Variants in TAOK3 observed in about 807,000 individuals in gnomAD.
TAOK3 encodes TAO kinase 3, also known as serine/threonine-protein kinase TAO3.
In TAOK3, 40 loss-of-function variants were observed where a neutral mutation model predicts 120.4. The observed-to-expected ratio is 0.33, with a 90% confidence interval of 0.26 to 0.43. The LOEUF (loss-of-function observed/expected upper bound fraction) is 0.43, where lower values mean the gene tolerates loss of function less well. TAOK3 is among the 20% of genes least tolerant of loss of function. The probability of loss-of-function intolerance (pLI) is 1.00; values close to 1 mark genes in which losing one functional copy is unlikely to be tolerated. For synonymous variants in TAOK3, 355 were observed against 387.5 expected (o/e 0.92, Z 0.99); for missense variants, 821 against 1,112.1 (o/e 0.74, Z 3.72).
chr12:118,230,471 T>G (rs2039717583), intron 9 of TAOK3, among the ~76,000 whole-genome samples: 1 of 127,158 alleles, frequency 7.9e-6, no homozygotes, highest in Admixed American at 7.9e-5. Context: ...TTTTTTTTTT[T>G]TTTTTTTTTT....
chr12:118,197,932 C>A (rs1046282211), intron 13 of TAOK3, among the ~76,000 whole-genome samples: 4 of 152,036 alleles, frequency 2.6e-5, no homozygotes, highest in African/African-American at 9.7e-5. Context: ...CGTGATCCGC[C>A]CACCTCGGCC....
chr12:118,288,326 A>G (rs1311625000), intron 1 of TAOK3, among the ~76,000 whole-genome samples: 1 of 152,026 alleles, frequency 6.6e-6, no homozygotes, highest in East Asian at 1.9e-4. Context: ...CTCCAATGTG[A>G]CTGTATTTGG....
intron 11 of TAOK3, among the ~76,000 whole-genome samples, chr12:118,212,414 A>G (rs1309771834): frequency 2.6e-5 from 4 of 152,232 alleles, no homozygotes; most frequent in African/African-American, 9.6e-5. Flanking sequence ...AATCAAATAA[A>G]TGTGGTTAAC....
At chr12:118,299,324 AC>A (rs1037646994) in intron 1 of TAOK3, among the ~76,000 whole-genome samples, 117 of 152,230 alleles carry the variant, frequency 7.7e-4, no homozygotes, top group African/African-American at 2.3e-3. Context: ...AACTCATATA[AC>A]CTTTTGCCAT....
intron 1 of TAOK3, among the ~76,000 whole-genome samples, chr12:118,330,464 A>G (rs1364407754): frequency 6.6e-6 from 1 of 152,198 alleles, no homozygotes; most frequent in African/African-American, 2.4e-5. Flanking sequence ...TTCCTGACCC[A>G]AACTACATTA....
chr12:118,155,198 G>A (rs1271874935), intron 19 of TAOK3, among the ~76,000 whole-genome samples: 5 of 152,010 alleles, frequency 3.3e-5, no homozygotes, highest in African/African-American at 9.7e-5. Flanking sequence ...GTTTCACCAG[G>A]TTGGCCAGGC....
At chr12:118,254,541 G>A (rs571202773) in intron 3 of TAOK3, among the ~76,000 whole-genome samples, 2 of 152,282 alleles carry the variant, frequency 1.3e-5, no homozygotes, top group East Asian at 3.9e-4. Context: ...AAGATGTTAT[G>A]AAATCATAAA....
intron 1 of TAOK3, among the ~76,000 whole-genome samples, chr12:118,346,341 C>T (rs905556837): frequency 6.6e-6 from 1 of 152,162 alleles, no homozygotes; most frequent in African/African-American, 2.4e-5. Context: ...GATTTGGCAA[C>T]ATCTTAAAAC....
intron 1 of TAOK3, among the ~76,000 whole-genome samples, chr12:118,370,040 A>T (rs1169425375): frequency 6.7e-6 from 1 of 149,222 alleles, no homozygotes; most frequent in African/African-American, 2.6e-5. Context: ...ACGGCCATCT[A>T]ATTTTTTGTA....
intron 1 of TAOK3, among the ~76,000 whole-genome samples, chr12:118,288,681 C>G (rs769509160): frequency 6.3e-4 from 95 of 151,930 alleles, no homozygotes; most frequent in Admixed American, 2.0e-3. Context: ...TTTGGAAGGC[C>G]GAGGTGGGTG....
At chr12:118,343,743 T>C (rs1377497000) in intron 1 of TAOK3, among the ~76,000 whole-genome samples, 1 of 152,150 alleles carries the variant, frequency 6.6e-6, no homozygotes, top group Non-Finnish European at 1.5e-5. Flanking sequence ...CTGGGCGCGG[T>C]GGCTCACACC....
At chr12:118,227,553 C>T (rs1479879999) in intron 9 of TAOK3, among the ~76,000 whole-genome samples, 1 of 152,046 alleles carries the variant, frequency 6.6e-6, no homozygotes, top group Non-Finnish European at 1.5e-5. Flanking sequence ...TGCTATATGC[C>T]AGGCACTATG....
chr12:118,225,503 A>C (rs2039459890), intron 9 of TAOK3, among the ~76,000 whole-genome samples: 1 of 152,114 alleles, frequency 6.6e-6, no homozygotes, highest in Non-Finnish European at 1.5e-5. Context: ...GACTTATTAC[A>C]TTACTGATAT....
At chr12:118,347,678 C>T (rs2044927098) in intron 1 of TAOK3, among the ~76,000 whole-genome samples, 1 of 152,184 alleles carries the variant, frequency 6.6e-6, no homozygotes. Flanking sequence ...AACCTCTTAA[C>T]ACAAAATTCT....
chr12:118,173,509 TG>T (rs2036134453), intron 16 of TAOK3, among the ~76,000 whole-genome samples: 1 of 152,114 alleles, frequency 6.6e-6, no homozygotes, highest in Non-Finnish European at 1.5e-5. Flanking sequence ...GCAAGAGAGA[TG>T]GTAGTAGCTT....
intron 1 of TAOK3, among the ~76,000 whole-genome samples, chr12:118,302,864 T>C (rs892597173): frequency 6.6e-6 from 1 of 152,174 alleles, no homozygotes; most frequent in Non-Finnish European, 1.5e-5. Flanking sequence ...AAAATTCCAA[T>C]ATCACGACTA....
chr12:118,185,029 T>G (rs1299578264), intron 14 of TAOK3, among the ~76,000 whole-genome samples: 2 of 152,038 alleles, frequency 1.3e-5, no homozygotes, highest in Non-Finnish European at 2.9e-5. Flanking sequence ...AGCATGTCCC[T>G]TGGCCCTCCA....
chr12:118,348,305 C>G (rs1431207494), intron 1 of TAOK3, among the ~76,000 whole-genome samples: 1 of 152,324 alleles, frequency 6.6e-6, no homozygotes, highest in South Asian at 2.1e-4. Context: ...TTGAATATGA[C>G]TTGCATCAGG....
intron 2 of TAOK3, among the ~76,000 whole-genome samples, chr12:118,262,209 C>G (rs934416035): frequency 6.6e-6 from 1 of 151,972 alleles, no homozygotes; most frequent in Admixed American, 6.5e-5. Flanking sequence ...CAAGGCCAGG[C>G]ACGGTGGCTC....
Sources: allele counts gnomAD v4.1 joint callset (sites outside exome capture counted in the v4.1 genomes callset), GRCh38; gene constraint gnomAD v4.1.1; transcripts MANE v1.5; gene names NCBI Gene and HGNC (gene_info 2026-07-23, HGNC 2026-07-21).